Variants in EMB observed in about 807,000 individuals in gnomAD.
The protein encoded by EMB is embigin homolog.
In EMB, 31 loss-of-function variants were observed where a neutral mutation model predicts 41.4. The observed-to-expected ratio is 0.75, with a 90% CI of 0.56 to 1.01. The LOEUF is 1.01. Ranked by LOEUF, EMB falls within the 50% of genes least tolerant of loss-of-function variation. The pLI is 0.00. For missense variants in EMB, 379 were observed against 388.3 expected (o/e 0.98, Z 0.20); for synonymous variants, 137 against 140.4 (o/e 0.98, Z 0.17).
chr5:50,400,448 A>G (rs1439183405), intron 7 of EMB, among the ~76,000 whole-genome samples: 1 of 152,030 alleles, frequency 6.6e-6, no homozygotes, highest in Non-Finnish European at 1.5e-5. Context: ...GGCGTCAATT[A>G]TCAAATCATA....
intron 2 of EMB, among the ~76,000 whole-genome samples, chr5:50,426,965 C>T (rs1400651933): frequency 6.6e-6 from 1 of 151,162 alleles, no homozygotes; most frequent in African/African-American, 2.4e-5. Flanking sequence ...AAGCTAGCTG[C>T]TGAAATGACC....
chr5:50,427,665 T>A (rs1745642173), intron 2 of EMB, among the ~76,000 whole-genome samples: 1 of 151,994 alleles, frequency 6.6e-6, no homozygotes, highest in Non-Finnish European at 1.5e-5. Context: ...TCCACAACCA[T>A]CCCCAGCTAA....
At chr5:50,409,867 G>A (rs1380960230) in intron 4 of EMB, among the ~76,000 whole-genome samples, 2 of 152,036 alleles carry the variant, frequency 1.3e-5, no homozygotes, top group African/African-American at 4.8e-5. Flanking sequence ...TCTGCTTTTG[G>A]AGAGACCAAG....
chr5:50,405,675 T>A, intron 5 of EMB, 50 bp downstream of exon 5: 1 of 1,527,384 alleles, frequency 6.5e-7, no homozygotes. Flanking sequence ...ATTTTTTAAA[T>A]AAATGTTTTC....
intron 2 of EMB, among the ~76,000 whole-genome samples, chr5:50,418,284 C>T (rs576464399): frequency 6.6e-6 from 1 of 152,258 alleles, no homozygotes; most frequent in African/African-American, 2.4e-5. Flanking sequence ...GAAGTTAATC[C>T]AACACTATAG....
At chr5:50,414,685 G>A (rs186701839) in intron 2 of EMB, among the ~76,000 whole-genome samples, 1 of 152,174 alleles carries the variant, frequency 6.6e-6, no homozygotes, top group African/African-American at 2.4e-5. Flanking sequence ...TGAAATAACT[G>A]CTTGTAAAAT....
rs1263162217 is a variant in EMB, at chr5:50,396,846, G to T, written c.*2427C>A. 6.6e-6 allele frequency: 1 copy of T among 152,044 alleles called. No individual in the cohort carries two copies. Among genetic ancestry groups the T allele is most frequent in the Non-Finnish European group, 1.5e-5 (1 of 68,030 alleles). 9.4% of individuals were successfully genotyped at this position (152,044 alleles called of 1,614,324 possible). On this transcript the variant is annotated 3_prime_UTR_variant, in exon 9 of 9. Coordinates refer to ENST00000303221, the MANE Select transcript of EMB (RefSeq NM_198449.3). ...TGGGGAGGCAATGGGATGGATTCAT[G>T]AGCTATTAAAAAGGTCAAAGGAGCA...
intron 1 of EMB, chr5:50,428,468 CT>C (rs1016989893): frequency 8.8e-7 from 1 of 1,135,314 alleles, no homozygotes. Context: ...CATCAGATGG[CT>C]TTTTTTAAAT....
In EMB at chr5:50,403,424, C is replaced by T. The variant is rs1745199630; in HGVS notation, c.631G>A (p.Val211Met). The change falls in exon 6 of 9, where the codon GTG becomes ATG. Residue 211 changes from valine (V) to methionine (M), a missense_variant. Coordinates refer to ENST00000303221, the MANE Select transcript of EMB (RefSeq NM_198449.3). ...TCGTTAGCATATGTTCCATTGATCA[C>T]ATATTTATTCATTTGAACACCAACA... ...VPVGVQMNKY[V>M]INGTYANETK... The T allele has an allele frequency of 4.3e-6, 7 of 1,612,272 alleles. No homozygotes were observed. The East Asian group carries it at 1.6e-4, about 36-fold the overall frequency.
rs1745078898 is a variant in EMB, at chr5:50,397,031, G to A, written c.*2242C>T. 6.6e-6 allele frequency: 1 copy of A among 152,056 alleles called. No homozygotes were observed. Among genetic ancestry groups the A allele is most frequent in the African/African-American group, 2.4e-5 (1 of 41,414 alleles). The allele number at this position is 152,056 out of a possible 1,614,324, so 9.4% of individuals were successfully genotyped here. ...AAAAAATGTATATGAAAGTATCTGG[G>A]AATTTTATGCCATCATTAAATCTAC... is the stretch of plus-strand genomic sequence containing the variant. On this transcript the variant is annotated 3_prime_UTR_variant, in exon 9 of 9. Transcript: ENST00000303221.
chr5:50,406,475 T>A (rs567285840), intron 4 of EMB, among the ~76,000 whole-genome samples: 1 of 151,936 alleles, frequency 6.6e-6, no homozygotes, highest in South Asian at 2.1e-4. Context: ...AAGTTTGAAG[T>A]AGATTCCATT....
At chr5:50,405,596 A>T in intron 5 of EMB, 129 bp downstream of exon 5, 1 of 1,327,376 alleles carries the variant, frequency 7.5e-7, no homozygotes, top group Non-Finnish European at 9.9e-7. Context: ...CTTTATGAAC[A>T]TAAGCTAAAC....
rs878955071 is a variant in EMB at position 50,403,126 on chromosome 5, T to G, written c.877+52A>C. ...ATCATAAGTAAATGATACTTATAATTAACTGATAATACTTTCTAAAAAAAA... is the reference window on the plus strand; with the variant it reads ...ATCATAAGTAAATGATACTTATAATGAACTGATAATACTTTCTAAAAAAAA... On this transcript the variant is annotated intron_variant, in intron 6 of 8. Coordinates refer to ENST00000303221, the MANE Select transcript of EMB (RefSeq NM_198449.3). 67 of 1,466,974 alleles carry G rather than the reference T, an allele frequency of 4.6e-5. 1 individual carries two copies. The Middle Eastern group carries it at 7.4e-4, about 16-fold the overall frequency. The allele number at this position is 1,466,974 out of a possible 1,614,324, so 90.9% of individuals were successfully genotyped here.
At chr5:50,427,489 C>CATTATTATT (rs36061609) in intron 2 of EMB, among the ~76,000 whole-genome samples, 30 of 149,476 alleles carry the variant, frequency 2.0e-4, no homozygotes, top group African/African-American at 6.9e-4. Flanking sequence ...TAAATGAAGA[C>CATTATTATT]ATTATTATTA....
At chr5:50,411,087 T>C in intron 3 of EMB, 110 bp downstream of exon 3, 2 of 1,165,534 alleles carry the variant, frequency 1.7e-6, no homozygotes, top group Non-Finnish European at 2.4e-6. Context: ...CAAATTAGAA[T>C]ATTAGCATAA....
upstream of EMB, among the ~76,000 whole-genome samples, chr5:50,441,799 C>G (rs1745920225): frequency 6.6e-6 from 1 of 152,148 alleles, no homozygotes; most frequent in Admixed American, 6.5e-5. Flanking sequence ...AGTCCCAAGG[C>G]CCCATACCGT....
intron 4 of EMB, among the ~76,000 whole-genome samples, chr5:50,410,659 CAT>C (rs1431848387): frequency 2.0e-5 from 3 of 152,088 alleles, no homozygotes; most frequent in Admixed American, 1.3e-4. Flanking sequence ...TGAACTAAAA[CAT>C]GTGCTTTAAA....
At chr5:50,439,313 T>C (rs1745856318) in intron 1 of EMB, among the ~76,000 whole-genome samples, 1 of 151,626 alleles carries the variant, frequency 6.6e-6, no homozygotes, top group African/African-American at 2.4e-5. Context: ...ATTCTGTTTC[T>C]TTTTCTTTCT....
rs148226429 is a variant in EMB, at chr5:50,411,302, G to C, written c.278C>G (p.Ser93Cys). 381 of 1,612,932 alleles carry C rather than the reference G, an allele frequency of 2.4e-4. 2 individuals are homozygous for C. In the East Asian group the frequency reaches 8.3e-3, roughly 35 times the overall value. The change falls in exon 3 of 9, where the codon TCT becomes TGT. Residue 93 changes from serine (S) to cysteine (C), a missense_variant. Physicochemically the swap from Ser to Cys is moderately radical, Grantham distance 112. Transcript: ENST00000303221. ...CACATTTACTGCATTCAAATCCCCA[G>C]ATGTTGTGAACTGGCATGTGAGATT... ...NVNLTCQFTT[S>C]GDLNAVNVTW...
Sources: gnomAD v4.1 joint callset for allele counts (sites outside exome capture counted in the v4.1 genomes callset) on GRCh38, gnomAD v4.1.1 for gene constraint, MANE v1.5 for transcripts, NCBI Gene and HGNC (gene_info 2026-07-23, HGNC 2026-07-21) for gene names.